The following NCAN variants were observed in gnomAD, a reference collection of about 807,000 sequenced individuals.
NCAN encodes neurocan, also known as neurocan core protein.
In NCAN, 47 loss-of-function variants were observed where a neutral mutation model predicts 121.8. The observed-to-expected ratio is 0.39, with a 90% CI of 0.31 to 0.49. The LOEUF is 0.49. Ranked by LOEUF, NCAN falls within the 20% of genes least tolerant of loss-of-function variation. The probability of loss-of-function intolerance (pLI) is 0.92; values close to 1 mark genes in which losing one functional copy is unlikely to be tolerated. For synonymous variants in NCAN, 633 were observed against 702.0 expected (o/e 0.90, Z 1.55); for missense variants, 1,517 against 1,773.4 (o/e 0.86, Z 2.60).
intron 3 of NCAN, among the ~76,000 whole-genome samples, chr19:19,223,152 TA>T (rs2060822999): frequency 6.6e-6 from 1 of 151,568 alleles, no homozygotes; most frequent in Non-Finnish European, 1.5e-5. Flanking sequence ...AATAAATAAA[TA>T]AATAAAAAAG....
chr19:19,216,041 C>T (rs982864571), intron 1 of NCAN, among the ~76,000 whole-genome samples: 6 of 152,206 alleles, frequency 3.9e-5, no homozygotes, highest in Non-Finnish European at 5.9e-5. Flanking sequence ...AGGTAAGCAA[C>T]TTGCCCAAGA....
intron 9 of NCAN, 24 bp from the exon 10 acceptor site, chr19:19,234,959 T>A: frequency 1.3e-6 from 2 of 1,521,156 alleles, no homozygotes; most frequent in Non-Finnish European, 1.8e-6. Flanking sequence ...GACCTCTAAC[T>A]CAGTCTCTTC....
chr19:19,236,338 G>A (rs1180048843), intron 10 of NCAN, among the ~76,000 whole-genome samples: 1 of 152,166 alleles, frequency 6.6e-6, no homozygotes, highest in Non-Finnish European at 1.5e-5. Flanking sequence ...ATTGTAATAT[G>A]AATCAGTGTT....
At chr19:19,247,023 G>T (rs767228370) in intron 13 of NCAN, among the ~76,000 whole-genome samples, 6 of 151,786 alleles carry the variant, frequency 4.0e-5, no homozygotes, top group Non-Finnish European at 5.9e-5. Context: ...TTATACTTTG[G>T]TTTATTTTTG....
At position 19,224,227 on chromosome 19, in the gene NCAN, G is replaced by T. The variant is rs542513992; in HGVS notation, c.650+32G>T. 4.6e-5 allele frequency: 73 copies of T among 1,589,320 alleles called. 2 individuals are homozygous for T. In the South Asian group the frequency reaches 7.7e-4, roughly 17 times the overall value. Reference sequence around the variant, plus strand: ...GGGATACACAGGGCAGGGAGATGAAGACTAGCTCATGGGGAAGGAGGTTCC... The same window carrying T: ...GGGATACACAGGGCAGGGAGATGAATACTAGCTCATGGGGAAGGAGGTTCC... On this transcript the variant is annotated intron_variant, in intron 4 of 14. Transcript: ENST00000252575.
Position 19,225,144 on chromosome 19 carries a change from TACCCGATCCAG to T in NCAN, c.949_959del (p.Pro317AlafsTer20). The T allele has an allele frequency of 6.5e-7, 1 of 1,530,688 alleles. No homozygotes were observed. Among genetic ancestry groups the T allele is most frequent in the Non-Finnish European group, 8.7e-7 (1 of 1,148,508 alleles). 94.8% of individuals were successfully genotyped at this position (1,530,688 alleles called of 1,614,324 possible). ...CTGGCTGGCCGACGGCAGCGTGCGC[TACCCGATCCAG>T]ACGCCGCGCCGGCGCTGCGGGGGCC... On this transcript the variant is annotated frameshift_variant, in exon 6 of 15. Transcript: ENST00000252575. LOFTEE classifies it high-confidence loss of function. The surrounding 1 kb of genome is among the most constrained non-coding windows in gnomAD (Gnocchi z 4.0).
At chr19:19,238,570 G>GA in intron 11 of NCAN, 159 bp downstream of exon 11, 2 of 755,744 alleles carry the variant, frequency 2.6e-6, no homozygotes, top group South Asian at 3.5e-5. Context: ...CTTAATGCAT[G>GA]AAATCTGTCA....
In NCAN at chr19:19,228,402, G is replaced by A. The variant is rs2060846027; in HGVS notation, c.2782G>A (p.Val928Ile). Residue 928 changes from valine (V) to isoleucine (I), a missense_variant, in exon 8 of 15, where the codon GTT (valine) becomes ATT (isoleucine). By Grantham distance (29) the Val-to-Ile change is conservative. Transcript: ENST00000252575. ...HQSSPLGKPAVPPGTPTAASV... is the reference protein window; with the variant it reads ...HQSSPLGKPAIPPGTPTAASV... ...GAGCAGTCCCCTAGGGAAACCGGCT[G>A]TTCCTCCTGGGACACCGACTGCAGC... 6.2e-7 allele frequency: 1 copy of A among 1,613,684 alleles called. No homozygotes were observed. Among genetic ancestry groups the A allele is most frequent in the Non-Finnish European group, 8.5e-7 (1 of 1,180,016 alleles).
At position 19,224,013 on chromosome 19, in the gene NCAN, C is replaced by A; in HGVS notation, c.476-8C>A. 1 of 1,508,610 alleles carries A rather than the reference C, an allele frequency of 6.6e-7. No individual in the cohort carries two copies. Among genetic ancestry groups the A allele is most frequent in the Non-Finnish European group, 8.9e-7 (1 of 1,123,346 alleles). The allele number at this position is 1,508,610 out of a possible 1,614,324, so 93.5% of individuals were successfully genotyped here. Reference sequence around the variant, plus strand: ...AACTGTCCCCCCATCCTGGATGTTCCCCCACAGGTGTTGTGTTCCACTACC... The same window carrying A: ...AACTGTCCCCCCATCCTGGATGTTCACCCACAGGTGTTGTGTTCCACTACC... On this transcript the variant is annotated splice_polypyrimidine_tract_variant and splice_region_variant and intron_variant, in intron 3 of 14. Coordinates refer to ENST00000252575, the MANE Select transcript of NCAN (RefSeq NM_004386.3).
intron 12 of NCAN, among the ~76,000 whole-genome samples, chr19:19,244,243 C>G (rs544057760): frequency 6.6e-6 from 1 of 151,972 alleles, no homozygotes; most frequent in South Asian, 2.1e-4. Context: ...TCAGTCCTGC[C>G]TCTGAGCCTT....
At position 19,212,883 on chromosome 19, in the gene NCAN, G is replaced by A. The variant is rs979330295; in HGVS notation, c.-8+819G>A. ...CCCCAGCACCTTCACAGCCTCCCAC[G>A]TCCTTACAGCATGACACAGACCCCT... On this transcript the variant is annotated intron_variant, in intron 1 of 14. Coordinates refer to ENST00000252575, the MANE Select transcript of NCAN (RefSeq NM_004386.3). The surrounding 1 kb of genome is among the most constrained non-coding windows in gnomAD (Gnocchi z 4.5). 1.3e-5 allele frequency among the ~76,000 whole-genome samples: 2 copies of A among 152,086 alleles called. No individual in the cohort carries two copies. Among genetic ancestry groups the A allele is most frequent in the Non-Finnish European group, 2.9e-5 (2 of 68,002 alleles).
intron 3 of NCAN, among the ~76,000 whole-genome samples, chr19:19,221,232 C>A (rs2060815644): frequency 6.8e-6 from 1 of 146,880 alleles, no homozygotes; most frequent in South Asian, 2.2e-4. Flanking sequence ...CACAGCAAGA[C>A]CCTGTCTCAA....
At position 19,235,612 on chromosome 19, in the gene NCAN, C is replaced by G. The variant is rs1426957440; in HGVS notation, c.3250+516C>G. ...TTTTTTTTTGAGACAGAGTCTCGCT[C>G]TGTCACCAGGCTGGAATGTAGTGGC... On this transcript the variant is annotated intron_variant, in intron 10 of 14. Transcript: ENST00000252575. 5.3e-5 allele frequency among the ~76,000 whole-genome samples: 8 copies of G among 151,152 alleles called. No homozygotes were observed. In the East Asian group the frequency reaches 1.6e-3, roughly 30 times the overall value.
chr19:19,242,964 A>G (rs912244574), intron 12 of NCAN, among the ~76,000 whole-genome samples: 2 of 152,070 alleles, frequency 1.3e-5, no homozygotes, highest in Non-Finnish European at 2.9e-5. Flanking sequence ...GCGAAACCCC[A>G]TCTCTACAAA....
chr19:19,230,338 C>A (rs2060853390), intron 8 of NCAN, among the ~76,000 whole-genome samples: 1 of 151,776 alleles, frequency 6.6e-6, no homozygotes, highest in Non-Finnish European at 1.5e-5. Context: ...AGCCATAGCA[C>A]CCAGTCGAGT....
chr19:19,223,989 A>C (rs1424752925), intron 3 of NCAN, 32 bp from the exon 4 acceptor site: 1 of 1,494,266 alleles, frequency 6.7e-7, no homozygotes, highest in Non-Finnish European at 9.0e-7. Flanking sequence ...GCATAAGTCA[A>C]CTGTCCCCCC....
At position 19,251,978 on chromosome 19, in the gene NCAN, C is replaced by T. The variant is rs1339239279; in HGVS notation, c.*2067C>T. 4 of 152,612 alleles carry T rather than the reference C, an allele frequency of 2.6e-5. No individual in the cohort carries two copies. Among genetic ancestry groups the T allele is most frequent in the Non-Finnish European group, 5.9e-5 (4 of 68,060 alleles). 9.5% of individuals were successfully genotyped at this position (152,612 alleles called of 1,614,324 possible). ...CCCTCAGCCGTTTGCCCTGCCCCCA[C>T]CTCGGCTCCATGGTGGGAGGGGGCT... On this transcript the variant is annotated 3_prime_UTR_variant, in exon 15 of 15. Transcript: ENST00000252575.
chr19:19,241,157 G>C (rs923651895), intron 12 of NCAN, among the ~76,000 whole-genome samples: 4 of 152,096 alleles, frequency 2.6e-5, no homozygotes. Context: ...TCAGGAGGCT[G>C]AGGCGTGAGA....
chr19:19,245,351 C>T lies in NCAN; in HGVS notation c.3531C>T (p.Phe1177=), dbSNP rs767368787. The change falls in exon 13 of 15, where the codon TTC becomes TTT. Residue 1177 remains phenylalanine, a synonymous_variant. Transcript: ENST00000252575. ...ENWRENQPDN[F]FAGGEDCVVM... Reference sequence around the variant, plus strand: ...GGCGAGAGAACCAGCCGGACAATTTCTTCGCGGGTGGCGAGGACTGTGTGG... The same window carrying T: ...GGCGAGAGAACCAGCCGGACAATTTTTTCGCGGGTGGCGAGGACTGTGTGG... 2.5e-6 allele frequency: 4 copies of T among 1,614,228 alleles called. No homozygotes were observed. Among genetic ancestry groups the T allele is most frequent in the Admixed American group, 3.3e-5 (2 of 60,032 alleles).
Sources: allele counts gnomAD v4.1 joint callset (sites outside exome capture counted in the v4.1 genomes callset), GRCh38; gene constraint gnomAD v4.1.1; non-coding constraint Gnocchi (gnomAD v3.1); transcripts MANE v1.5; gene names NCBI Gene and HGNC (gene_info 2026-07-23, HGNC 2026-07-21).